Variants in RABGEF1 observed in about 807,000 individuals in gnomAD.
RABGEF1 encodes RAB guanine nucleotide exchange factor 1.
RABGEF1 carries 26 observed loss-of-function variants against 57.3 expected under a neutral mutation model. That is an observed-to-expected ratio of 0.45 (90% CI 0.33 to 0.63). The LOEUF (loss-of-function observed/expected upper bound fraction) is 0.63. RABGEF1 is among the 20% of genes least tolerant of loss of function. RABGEF1 has a pLI of 0.02. For missense variants in RABGEF1, 464 were observed against 607.6 expected, an observed-to-expected ratio of 0.76 and a Z score of 2.48; for synonymous variants, 185 against 210.7, an observed-to-expected ratio of 0.88 and a Z score of 1.06.
intron 2 of RABGEF1, 109 bp from the exon 3 acceptor site, chr7:66,775,118 T>G (rs1808217652): frequency 8.2e-7 from 1 of 1,215,660 alleles, no homozygotes; most frequent in Non-Finnish European, 1.1e-6. Context: ...ATATTTAGTC[T>G]CTAGGTCTAA....
intron 1 of RABGEF1, among the ~76,000 whole-genome samples, chr7:66,686,497 G>A (rs1269702463): frequency 1.3e-5 from 2 of 152,128 alleles, no homozygotes; most frequent in African/African-American, 4.8e-5. Flanking sequence ...CATAGTACAG[G>A]CCGAACATTT....
upstream of RABGEF1, chr7:66,740,573 C>T (rs550766453): frequency 6.5e-6 from 1 of 152,684 alleles, no homozygotes; most frequent in Non-Finnish European, 1.5e-5. Context: ...CGGTACCCCA[C>T]TCCGCTCGAC....
At chr7:66,765,448 G>C (rs1048283441) in intron 1 of RABGEF1, among the ~76,000 whole-genome samples, 4 of 151,948 alleles carry the variant, frequency 2.6e-5, no homozygotes, top group Non-Finnish European at 4.4e-5. Flanking sequence ...TTTTGGCATA[G>C]ATAATAGGCT....
At chr7:66,685,058 C>T (rs1790388875) in intron 1 of RABGEF1, among the ~76,000 whole-genome samples, 1 of 152,090 alleles carries the variant, frequency 6.6e-6, no homozygotes, top group Admixed American at 6.6e-5. Context: ...AGCCACTGCA[C>T]CCGGCCTTAA....
the RABGEF1 span, among the ~76,000 whole-genome samples, chr7:66,659,375 A>G: frequency 6.6e-6 from 1 of 151,474 alleles, no homozygotes; most frequent in Non-Finnish European, 1.5e-5. Context: ...TCGCTTGAAC[A>G]CGGGAGGCGG....
At chr7:66,743,241 A>G (rs1042507552) in intron 1 of RABGEF1, among the ~76,000 whole-genome samples, 6 of 150,998 alleles carry the variant, frequency 4.0e-5, no homozygotes, top group African/African-American at 1.5e-4. Context: ...TAGCAATTCT[A>G]GGAGGTTGTG....
At chr7:66,756,943 C>T (rs1232207169) in intron 1 of RABGEF1, among the ~76,000 whole-genome samples, 1 of 152,176 alleles carries the variant, frequency 6.6e-6, no homozygotes, top group African/African-American at 2.4e-5. Context: ...AGTGGTTTGA[C>T]AGGTCTGTTC....
At chr7:66,700,510 A>AGGGGG (rs1793091503) in intron 1 of RABGEF1, among the ~76,000 whole-genome samples, 1 of 77,580 alleles carries the variant, frequency 1.3e-5, no homozygotes, top group Non-Finnish European at 3.2e-5. Flanking sequence ...AGGGGAGGGG[A>AGGGGG]AAGGGGAGTT....
intron 2 of RABGEF1, among the ~76,000 whole-genome samples, chr7:66,720,158 C>T (rs1463680541): frequency 1.3e-5 from 2 of 149,150 alleles, no homozygotes; most frequent in African/African-American, 4.9e-5. Context: ...TGACAACATT[C>T]AACATCCATT....
chr7:66,670,086 C>G, the RABGEF1 span, among the ~76,000 whole-genome samples: 1 of 152,148 alleles, frequency 6.6e-6, no homozygotes, highest in African/African-American at 2.4e-5. Context: ...CCGCCCCTTT[C>G]CCCAAGGGCT....
Position 66,803,887 on chromosome 7 carries a change from T to TC in RABGEF1, c.821-1252dup, listed in dbSNP as rs1162831892. 2.1e-5 allele frequency among the ~76,000 whole-genome samples: 3 copies of TC among 140,268 alleles called. No individual in the cohort carries two copies. The East Asian group carries it at 6.0e-4, about 28-fold the overall frequency. The allele number at this position is 140,268 out of a possible 152,430, so 92.0% of individuals were successfully genotyped here. On this transcript the variant is annotated intron_variant, in intron 7 of 8. Coordinates refer to ENST00000284957, the MANE Select transcript of RABGEF1 (RefSeq NM_014504.3). ...CGGGGCAACAGAGTGAGATGCTGTC[T>TC]CAAAAAAAAAAAAAAAGAAAGAAAG... is the stretch of plus-strand genomic sequence containing the variant.
the RABGEF1 span, among the ~76,000 whole-genome samples, chr7:66,661,741 GA>G: frequency 6.6e-6 from 1 of 152,232 alleles, no homozygotes; most frequent in Non-Finnish European, 1.5e-5. Flanking sequence ...AAAACTTGAA[GA>G]GGAGGAAATA....
At chr7:66,679,943 G>A (rs1467336916), upstream of RABGEF1, among the ~76,000 whole-genome samples, 1 of 152,192 alleles carries the variant, frequency 6.6e-6, no homozygotes, top group Non-Finnish European at 1.5e-5. Flanking sequence ...TGGGGAGGCT[G>A]AGGCAAAAGG....
chr7:66,679,774 A>C (rs752782232), upstream of RABGEF1, among the ~76,000 whole-genome samples: 3 of 152,164 alleles, frequency 2.0e-5, no homozygotes, highest in African/African-American at 7.2e-5. Flanking sequence ...TCATGCCTGT[A>C]ATCCCAGCAC....
intron 2 of RABGEF1, among the ~76,000 whole-genome samples, chr7:66,727,343 A>T (rs150223104): frequency 2.0e-4 from 31 of 152,292 alleles, no homozygotes; most frequent in South Asian, 6.2e-4. Flanking sequence ...CTCTGGACTC[A>T]GGGCCTAGGG....
At chr7:66,727,743 G>A (rs1047516773) in intron 2 of RABGEF1, among the ~76,000 whole-genome samples, 2 of 152,242 alleles carry the variant, frequency 1.3e-5, no homozygotes, top group Non-Finnish European at 2.9e-5. Context: ...GGGGAACCGT[G>A]AGTGGCAGGC....
At chr7:66,695,729 G>T (rs1332555372) in intron 1 of RABGEF1, among the ~76,000 whole-genome samples, 2 of 152,144 alleles carry the variant, frequency 1.3e-5, no homozygotes, top group Non-Finnish European at 2.9e-5. Flanking sequence ...ACTTTGGGAG[G>T]CTGAGGCAGG....
chr7:66,805,761 C>A (rs1788290131), intron 8 of RABGEF1, among the ~76,000 whole-genome samples: 1 of 152,066 alleles, frequency 6.6e-6, no homozygotes, highest in African/African-American at 2.4e-5. Context: ...CTCATTCATT[C>A]TACTACAGGG....
intron 1 of RABGEF1, among the ~76,000 whole-genome samples, chr7:66,710,979 C>CA (rs199601693): frequency 0.052 from 7,623 of 145,386 alleles, 366 homozygotes; most frequent in East Asian, 0.18. Context: ...CCTGTCACTA[C>CA]AAAAAAAAAA....
Sources: allele counts gnomAD v4.1 joint callset (sites outside exome capture counted in the v4.1 genomes callset), GRCh38; gene constraint gnomAD v4.1.1; transcripts MANE v1.5; gene names NCBI Gene and HGNC (gene_info 2026-07-23, HGNC 2026-07-21).